Variants in RBFOX1 observed in about 807,000 individuals in gnomAD.
The protein encoded by RBFOX1 is RNA binding protein fox-1 homolog 1.
Under a neutral mutation model 57.7 loss-of-function variants are expected in RBFOX1, and 8 were observed. The observed-to-expected ratio is 0.14, with a 90% CI of 0.08 to 0.25. The LOEUF (loss-of-function observed/expected upper bound fraction) is 0.25, where lower values mean the gene tolerates loss of function less well. Ranked by LOEUF, RBFOX1 falls within the 10% of genes least tolerant of loss-of-function variation. RBFOX1 has a pLI of 1.00. For missense variants in RBFOX1, 611 were observed against 548.5 expected, an observed-to-expected ratio of 1.11 and a Z score of -1.14; for synonymous variants, 326 against 222.4, an observed-to-expected ratio of 1.47 and a Z score of -4.15.
intron 5 of RBFOX1, among the ~76,000 whole-genome samples, chr16:7,564,662 A>G (rs2152708363): frequency 6.6e-6 from 1 of 152,232 alleles, no homozygotes; most frequent in Non-Finnish European, 1.5e-5. Context: ...AACTGTAAGA[A>G]ATAAATGTCT....
chr16:6,426,025 G>C (rs114729954), intron 2 of RBFOX1, among the ~76,000 whole-genome samples: 197 of 151,322 alleles, frequency 1.3e-3, no homozygotes, highest in African/African-American at 4.0e-3. Flanking sequence ...GTAGAATCTT[G>C]TTGGCATTTT....
intron 3 of RBFOX1, among the ~76,000 whole-genome samples, chr16:6,993,774 C>T (rs1320703632): frequency 2.0e-5 from 3 of 152,168 alleles, no homozygotes; most frequent in South Asian, 2.1e-4. Context: ...GATCATAAAT[C>T]TGCCATCCTG....
At chr16:7,090,273 T>C (rs968420411) in intron 4 of RBFOX1, among the ~76,000 whole-genome samples, 15 of 152,224 alleles carry the variant, frequency 9.9e-5, no homozygotes, top group African/African-American at 3.6e-4. Flanking sequence ...CATTGTTTCT[T>C]AAATTTGTAA....
rs140233982 is a variant in RBFOX1, at chr16:7,701,257, A to G, written c.996-7799A>G. Among the ~76,000 whole-genome samples the G allele has an allele frequency of 3.5e-4, 51 of 146,350 alleles. No individual in the cohort carries two copies. In the East Asian group the frequency reaches 3.9e-3, roughly 11 times the overall value. On this transcript the variant is annotated intron_variant, in intron 14 of 15. Coordinates refer to ENST00000550418, the MANE Select transcript of RBFOX1 (RefSeq NM_018723.4). ...TGGAGACTTTGCTGCATTTTTAGTCATTTTGTAGGTCAGGGGTCCCCAACT... is the reference window on the plus strand; with the variant it reads ...TGGAGACTTTGCTGCATTTTTAGTCGTTTTGTAGGTCAGGGGTCCCCAACT...
intron 4 of RBFOX1, among the ~76,000 whole-genome samples, chr16:7,343,208 G>T (rs1157824905): frequency 6.6e-6 from 1 of 152,204 alleles, no homozygotes; most frequent in East Asian, 1.9e-4. Flanking sequence ...CGGTGGCAAG[G>T]AGGATGTGTG....
chr16:6,552,113 G>A (rs1419707887), intron 2 of RBFOX1, among the ~76,000 whole-genome samples: 1 of 152,074 alleles, frequency 6.6e-6, no homozygotes, highest in Non-Finnish European at 1.5e-5. Flanking sequence ...GCTTCCTGCT[G>A]GGACAATAAT....
intron 11 of RBFOX1, among the ~76,000 whole-genome samples, chr16:7,652,740 C>T (rs1412369345): frequency 6.6e-6 from 1 of 152,182 alleles, no homozygotes. Flanking sequence ...GGGTCCCAGA[C>T]TTATCGCGTA....
At chr16:6,705,520 A>G (rs1000568583) in intron 3 of RBFOX1, 17 of 152,206 alleles carry the variant, frequency 1.1e-4, no homozygotes, top group Non-Finnish European at 2.1e-4. Flanking sequence ...GAGCATGCCT[A>G]CTACCCAGAT....
At chr16:6,511,217 ACT>A (rs909111591) in intron 2 of RBFOX1, among the ~76,000 whole-genome samples, 126 of 152,210 alleles carry the variant, frequency 8.3e-4, no homozygotes, top group African/African-American at 2.9e-3. Context: ...AGAGTGTGAT[ACT>A]CTGATACTCA....
At chr16:7,564,660 G>C (rs560431701) in intron 5 of RBFOX1, among the ~76,000 whole-genome samples, 2 of 149,738 alleles carry the variant, frequency 1.3e-5, no homozygotes, top group East Asian at 2.1e-4. Context: ...AGAACTGTAA[G>C]AAATAAATGT....
intron 4 of RBFOX1, among the ~76,000 whole-genome samples, chr16:7,478,601 A>C (rs973826876): frequency 6.6e-6 from 1 of 152,206 alleles, no homozygotes; most frequent in African/African-American, 2.4e-5. Flanking sequence ...TTTCTGACAC[A>C]AACTGGATTG....
At chr16:6,120,456 G>A (rs2096540688) in intron 1 of RBFOX1, among the ~76,000 whole-genome samples, 1 of 152,080 alleles carries the variant, frequency 6.6e-6, no homozygotes, top group Non-Finnish European at 1.5e-5. Context: ...TTCCTAAGGG[G>A]GCACTGGAGT....
chr16:7,263,920 T>TAAA (rs34267221), intron 4 of RBFOX1, among the ~76,000 whole-genome samples: 3 of 124,870 alleles, frequency 2.4e-5, no homozygotes, highest in Admixed American at 8.2e-5. Context: ...ATATATAAAT[T>TAAA]AAAAAAAAAA....
intron 2 of RBFOX1, chr16:6,483,226 G>A (rs1006963376): frequency 6.5e-6 from 8 of 1,227,466 alleles, no homozygotes; most frequent in Non-Finnish European, 8.1e-6. Flanking sequence ...GCCGGACCCG[G>A]GCCCTGGCGC....
At chr16:6,425,561 C>G (rs1338254862) in intron 2 of RBFOX1, among the ~76,000 whole-genome samples, 1 of 152,004 alleles carries the variant, frequency 6.6e-6, no homozygotes, top group Non-Finnish European at 1.5e-5. Context: ...CATGTTCCTA[C>G]CAAAGAAAAA....
chr16:7,486,314 G>A (rs1226257364), intron 4 of RBFOX1, among the ~76,000 whole-genome samples: 1 of 150,924 alleles, frequency 6.6e-6, no homozygotes, highest in East Asian at 1.9e-4. Context: ...GTTTTTTTTG[G>A]TAGAGATGCG....
At chr16:7,287,915 A>G (rs1450969110) in intron 4 of RBFOX1, among the ~76,000 whole-genome samples, 1 of 152,148 alleles carries the variant, frequency 6.6e-6, no homozygotes, top group Admixed American at 6.5e-5. Context: ...GTGTATTTTC[A>G]AAATACACAT....
intron 2 of RBFOX1, among the ~76,000 whole-genome samples, chr16:6,346,626 T>C (rs1406781275): frequency 6.6e-6 from 1 of 152,248 alleles, no homozygotes; most frequent in Non-Finnish European, 1.5e-5. Context: ...GGCAGCCTGA[T>C]TCTCGAATTG....
chr16:7,359,981 C>G (rs1386397297), intron 4 of RBFOX1, among the ~76,000 whole-genome samples: 5 of 133,494 alleles, frequency 3.7e-5, no homozygotes, highest in Non-Finnish European at 6.4e-5. Flanking sequence ...GAGACTCTGT[C>G]TCAAAAAAAA....
Sources: allele counts gnomAD v4.1 joint callset (sites outside exome capture counted in the v4.1 genomes callset), GRCh38; gene constraint gnomAD v4.1.1; transcripts MANE v1.5; gene names NCBI Gene and HGNC (gene_info 2026-07-23, HGNC 2026-07-21).